Variants in CACNA2D1 observed in about 807,000 individuals in gnomAD.
CACNA2D1 encodes voltage-dependent calcium channel subunit alpha-2/delta-1.
In CACNA2D1, 53 loss-of-function variants were observed where a neutral mutation model predicts 171.5. The ratio of observed to expected loss-of-function variants is 0.31; its 90% CI spans 0.25 to 0.39. The LOEUF (loss-of-function observed/expected upper bound fraction) is 0.39, where lower values mean the gene tolerates loss of function less well. CACNA2D1 is among the 10% of genes least tolerant of loss of function. CACNA2D1 has a pLI of 1.00. For missense variants in CACNA2D1, 903 were observed against 1,299.8 expected, an observed-to-expected ratio of 0.69 and a Z score of 4.69; for synonymous variants, 442 against 443.1, an observed-to-expected ratio of 1.00 and a Z score of 0.03.
intron 4 of CACNA2D1, among the ~76,000 whole-genome samples, chr7:82,146,711 G>T (rs1447618513): frequency 1.3e-5 from 2 of 150,926 alleles, no homozygotes; most frequent in East Asian, 3.9e-4. Flanking sequence ...ATTCGGCCAG[G>T]CGCCTTGACT....
At chr7:82,032,933 G>T in intron 11 of CACNA2D1, 32 bp from the exon 12 acceptor site, 1 of 1,118,168 alleles carries the variant, frequency 8.9e-7, no homozygotes, top group Non-Finnish European at 1.4e-6. Context: ...AAAACAATAT[G>T]CGTATTATTC....
chr7:82,163,162 A>G (rs1795113774), intron 4 of CACNA2D1, among the ~76,000 whole-genome samples: 1 of 152,126 alleles, frequency 6.6e-6, no homozygotes, highest in Non-Finnish European at 1.5e-5. Flanking sequence ...ATAAATGGAA[A>G]TATATATTAG....
chr7:82,037,479 CA>C (rs113083970), intron 11 of CACNA2D1, among the ~76,000 whole-genome samples: 38,255 of 143,192 alleles, frequency 0.27, 4,901 homozygotes, highest in Middle Eastern at 0.49. Context: ...AACTCCATTT[CA>C]AAAAAAAAAA....
intron 12 of CACNA2D1, among the ~76,000 whole-genome samples, chr7:82,022,948 T>C (rs1801421171): frequency 6.6e-6 from 1 of 151,930 alleles, no homozygotes; most frequent in Non-Finnish European, 1.5e-5. Context: ...TTGAATGTTT[T>C]TTCATTTTTT....
Position 81,964,299 on chromosome 7 carries a change from C to T in CACNA2D1, c.2635G>A (p.Val879Ile), listed in dbSNP as rs1441771183. 1 of 1,612,072 alleles carries T rather than the reference C, an allele frequency of 6.2e-7. No homozygotes were observed. The highest frequency in any genetic ancestry group is 1.7e-5 in the Admixed American group (1 of 59,822). The part of the protein sequence containing the change: ...SLMRHLVNIS[V>I]YAFNKSYDYQ... ...TCATAAGATTTGTTAAAAGCATAAA[C>T]TGATATATTAACCAGGTGTCTCATC... Residue 879 changes from valine (V) to isoleucine (I), a missense_variant, in exon 33 of 39, where the codon GTT becomes ATT. Val to Ile is a conservative substitution (Grantham distance 29, BLOSUM62 3). Transcript: ENST00000356860.
chr7:82,035,668 G>C (rs1020964418), intron 11 of CACNA2D1, among the ~76,000 whole-genome samples: 5 of 151,978 alleles, frequency 3.3e-5, no homozygotes, highest in Admixed American at 2.6e-4. Flanking sequence ...TGAAACTCCT[G>C]ATCATTTCAC....
intron 3 of CACNA2D1, among the ~76,000 whole-genome samples, chr7:82,321,130 G>A (rs1246598037): frequency 6.6e-6 from 1 of 152,236 alleles, no homozygotes; most frequent in East Asian, 1.9e-4. Context: ...TGGGCGCAAT[G>A]GCTCACGCCT....
intron 3 of CACNA2D1, among the ~76,000 whole-genome samples, chr7:82,187,612 T>C (rs553928750): frequency 6.6e-6 from 1 of 152,192 alleles, no homozygotes; most frequent in Non-Finnish European, 1.5e-5. Context: ...TAGCCATCAA[T>C]GAATTAGAAT....
chr7:82,401,157 A>G (rs899108609), intron 1 of CACNA2D1, among the ~76,000 whole-genome samples: 77 of 152,232 alleles, frequency 5.1e-4, no homozygotes, highest in Non-Finnish European at 7.9e-4. Context: ...GCGATTCCTC[A>G]GGGATCTAGA....
chr7:82,314,123 TTCTTTTATATC>T (rs1814804757), intron 3 of CACNA2D1, among the ~76,000 whole-genome samples: 1 of 152,200 alleles, frequency 6.6e-6, no homozygotes, highest in Non-Finnish European at 1.5e-5. Flanking sequence ...ATGTTTGGGT[TTCTTTTATATC>T]TGAATCCCAA....
At chr7:82,396,626 A>T (rs1825784690) in intron 1 of CACNA2D1, among the ~76,000 whole-genome samples, 1 of 152,174 alleles carries the variant, frequency 6.6e-6, no homozygotes, top group African/African-American at 2.4e-5. Flanking sequence ...CCTCACTTCT[A>T]TTCACTGTCT....
Position 82,005,783 on chromosome 7 carries a change from T to A in CACNA2D1, c.1497A>T (p.Arg499Ser), listed in dbSNP as rs1179886742. ...ATCTTACTGTAAAACGTGGTGTCAG[T>A]CTTTTAATATCTTCCAAAGACACAT... ...GVDVSLEDIKRLTPRFTLCPN... is the reference protein window; with the variant it reads ...GVDVSLEDIKSLTPRFTLCPN... The change falls in exon 17 of 39, where the codon AGA (arginine) becomes AGT (serine). Residue 499 changes from arginine (R) to serine (S), a missense_variant. Arg to Ser is a moderately radical substitution (Grantham distance 110, BLOSUM62 -1). Around this residue, in one of 5 missense-constraint regions of CACNA2D1, gnomAD observed 623 missense variants for 925.5 expected, o/e 0.67. Coordinates refer to ENST00000356860, the MANE Select transcript of CACNA2D1 (RefSeq NM_000722.4). 6.2e-7 allele frequency: 1 copy of A among 1,602,784 alleles called. No individual in the cohort carries two copies.
chr7:82,065,011 C>A (rs879689805), intron 8 of CACNA2D1, among the ~76,000 whole-genome samples: 1 of 152,062 alleles, frequency 6.6e-6, no homozygotes. Context: ...GGAGAGAGAT[C>A]ATCTTGATTG....
At chr7:82,102,430 A>ATAATG (rs149971441) in intron 6 of CACNA2D1, among the ~76,000 whole-genome samples, 10 of 42,152 alleles carry the variant, frequency 2.4e-4, no homozygotes. Context: ...TGGAAATACC[A>ATAATG]TATTTGTTGT....
chr7:82,008,290 T>C (rs1396959443), intron 15 of CACNA2D1, among the ~76,000 whole-genome samples: 1 of 152,114 alleles, frequency 6.6e-6, no homozygotes, highest in African/African-American at 2.4e-5. Context: ...TCTGGGATAT[T>C]CTAAGTAAAT....
chr7:82,296,079 A>G (rs1417679298), intron 3 of CACNA2D1, among the ~76,000 whole-genome samples: 2 of 151,146 alleles, frequency 1.3e-5, no homozygotes, highest in Non-Finnish European at 2.9e-5. Flanking sequence ...TGGACACAGG[A>G]AGGGGAACAT....
intron 1 of CACNA2D1, among the ~76,000 whole-genome samples, chr7:82,414,635 C>T (rs1023414021): frequency 6.6e-6 from 1 of 152,176 alleles, no homozygotes; most frequent in Admixed American, 6.5e-5. Context: ...AAAGAGAAGG[C>T]ACACCACATT....
rs556362451 is a variant in CACNA2D1 at position 82,090,611 on chromosome 7, T to A, written c.527-5711A>T. 2.0e-5 allele frequency among the ~76,000 whole-genome samples: 3 copies of A among 152,172 alleles called. No homozygotes were observed. In the East Asian group the frequency reaches 5.8e-4, roughly 29 times the overall value. On this transcript the variant is annotated intron_variant, in intron 6 of 38. Coordinates refer to ENST00000356860, the MANE Select transcript of CACNA2D1 (RefSeq NM_000722.4). Reference sequence around the variant, plus strand: ...ATTTAAGACAGTATATTTAATACTGTCTTTGTGACAGTAAATTTTGTCTAT... The same window carrying A: ...ATTTAAGACAGTATATTTAATACTGACTTTGTGACAGTAAATTTTGTCTAT...
chr7:81,975,818 C>T (rs1455940015), intron 24 of CACNA2D1, among the ~76,000 whole-genome samples: 1 of 78,538 alleles, frequency 1.3e-5, no homozygotes, highest in Non-Finnish European at 2.8e-5. Context: ...ATACAACTTT[C>T]CCAAAATTCT....
Sources: allele counts gnomAD v4.1 joint callset (sites outside exome capture counted in the v4.1 genomes callset), GRCh38; gene constraint gnomAD v4.1.1; regional missense constraint gnomAD v4.1.1; transcripts MANE v1.5; gene names NCBI Gene and HGNC (gene_info 2026-07-23, HGNC 2026-07-21).